CST9L: variants seen among roughly 807,000 people sequenced by gnomAD.
CST9L encodes the protein cystatin-9-like.
In CST9L, 17 loss-of-function variants were observed where a neutral mutation model predicts 13.2. That is an observed-to-expected ratio of 1.29 (90% CI 0.88 to 1.93). CST9L has a LOEUF of 1.93. Ranked by LOEUF, CST9L falls within the 30% of genes most tolerant of loss-of-function variation. The pLI is 0.00. For missense variants in CST9L, 170 were observed against 170.5 expected, an observed-to-expected ratio of 1.00 and a Z score of 0.02; for synonymous variants, 78 against 69.1, an observed-to-expected ratio of 1.13 and a Z score of -0.64.
In CST9L at chr20:23,568,474, AC is replaced by A. The variant is rs778416803; in HGVS notation, c.-25del. 2 of 1,609,588 alleles carry A rather than the reference AC, an allele frequency of 1.2e-6. No homozygotes were observed. The highest frequency in any genetic ancestry group is 2.2e-5 in the South Asian group (2 of 90,304). ...ATGGTGCTGACTGTAGGCACCGCTG[AC>A]TTTGCTCTTCCCAGCCCCCGTGCCC... On this transcript the variant is annotated 5_prime_UTR_variant, in exon 1 of 3. Coordinates refer to ENST00000376979, the MANE Select transcript of CST9L (RefSeq NM_080610.3).
At chr20:23,566,186 C>T (rs759582091) in intron 1 of CST9L, 99 bp from the exon 2 acceptor site, 76 of 779,174 alleles carry the variant, frequency 9.8e-5, no homozygotes, top group Non-Finnish European at 1.6e-4. Flanking sequence ...TCCCAACATT[C>T]TCCTCCATTA....
At chr20:23,567,099 T>C (rs1989108227) in intron 1 of CST9L, among the ~76,000 whole-genome samples, 1 of 152,150 alleles carries the variant, frequency 6.6e-6, no homozygotes, top group Non-Finnish European at 1.5e-5. Context: ...AGCCAGGGCC[T>C]TGCACAGGGT....
chr20:23,568,133 C>A (rs1600332200), intron 1 of CST9L, 78 bp downstream of exon 1: 4 of 1,502,616 alleles, frequency 2.7e-6, no homozygotes, highest in East Asian at 4.5e-5. Context: ...AATAAGACCC[C>A]CTGTCCCCAC....
At chr20:23,567,144 G>T (rs979164044) in intron 1 of CST9L, among the ~76,000 whole-genome samples, 3 of 152,082 alleles carry the variant, frequency 2.0e-5, no homozygotes, top group Non-Finnish European at 4.4e-5. Context: ...CAGGGTTGGG[G>T]TCCTTTTGCT....
intron 2 of CST9L, 27 bp from the exon 3 acceptor site, chr20:23,565,064 AG>A (rs1402378632): frequency 6.5e-7 from 1 of 1,540,542 alleles, no homozygotes; most frequent in African/African-American, 1.4e-5. Flanking sequence ...AGGAAGGGAC[AG>A]TGGGTGAGGG....
At chr20:23,565,945 C>T (rs1299955096) in intron 2 of CST9L, 29 bp downstream of exon 2, 2 of 1,209,172 alleles carry the variant, frequency 1.7e-6, no homozygotes, top group East Asian at 2.3e-5. Context: ...ACAGCTGTAT[C>T]CAGGAGGGAA....
At chr20:23,567,377 G>A (rs370148588) in intron 1 of CST9L, among the ~76,000 whole-genome samples, 2 of 151,850 alleles carry the variant, frequency 1.3e-5, no homozygotes, top group Non-Finnish European at 2.9e-5. Flanking sequence ...GGCATCTGGC[G>A]GGTGCCTGTA....
In CST9L at chr20:23,566,031, C is replaced by T. The variant is rs1165018921; in HGVS notation, c.297G>A (p.Gly99=). Residue 99 remains glycine, a synonymous_variant, in exon 2 of 3, where the codon GGG becomes GGA. Coordinates refer to ENST00000376979, the MANE Select transcript of CST9L (RefSeq NM_080610.3). The part of the protein sequence containing the change: ...MELLLGRTRC[G]KFEDDIDNCH... ...AGTTGTCAATGTCGTCTTCAAATTT[C>T]CCACACCTAGTTCTCCCCAGCAGTA... The T allele has an allele frequency of 1.2e-6, 2 of 1,612,018 alleles. No homozygotes were observed. The highest frequency in any genetic ancestry group is 1.7e-6 in the Non-Finnish European group (2 of 1,178,120).
Position 23,565,120 on chromosome 20 carries a change from C to T in CST9L, c.355-83G>A. Reference sequence around the variant, plus strand: ...CTCAAGCTCTGAACAATGGCTTCCTCTCCACATTGCCCTTTCCCAGGTCAA... The same window carrying T: ...CTCAAGCTCTGAACAATGGCTTCCTTTCCACATTGCCCTTTCCCAGGTCAA... On this transcript the variant is annotated intron_variant, in intron 2 of 2. Transcript: ENST00000376979. The T allele has an allele frequency of 3.2e-6, 3 of 951,978 alleles. No homozygotes were observed. The South Asian group carries it at 3.9e-5, about 12-fold the overall frequency. The allele number at this position is 951,978 out of a possible 1,614,324, so 59.0% of individuals were successfully genotyped here.
chr20:23,565,913 C>T (rs1448471940), intron 2 of CST9L, 61 bp downstream of exon 2: 14 of 931,970 alleles, frequency 1.5e-5, no homozygotes, highest in Non-Finnish European at 2.5e-5. Flanking sequence ...CCTGTGCCCA[C>T]ACCACACCCC....
At position 23,568,389 on chromosome 20, in the gene CST9L, G is replaced by A; in HGVS notation, c.62C>T (p.Ser21Phe). The change falls in exon 1 of 3, where the codon TCC becomes TTC. Residue 21 changes from serine to phenylalanine, a missense_variant. Transcript: ENST00000376979. ...SWALLLLLLGSQILLIYAWHF... is the reference protein window; with the variant it reads ...SWALLLLLLGFQILLIYAWHF... ...CCAGGCATAGATCAGCAGGATCTGGGAGCCTAAGAGAAGCAGCAGCAGCGC... is the reference window on the plus strand; with the variant it reads ...CCAGGCATAGATCAGCAGGATCTGGAAGCCTAAGAGAAGCAGCAGCAGCGC... 6.2e-7 allele frequency: 1 copy of A among 1,614,188 alleles called. No individual in the cohort carries two copies. Among genetic ancestry groups the A allele is most frequent in the Non-Finnish European group, 8.5e-7 (1 of 1,180,026 alleles).
rs575561554 is a variant in CST9L at position 23,564,989 on chromosome 20, A to T, written c.403T>A (p.Phe135Ile). ...AAGCAGGTCTTGTTCAGGAGGCTGA[A>T]CTGAGTCATCCAGGGCCTGGTGCTG... ...TISTRPWMTQ[F>I]SLLNKTCLEG... The change falls in exon 3 of 3, where the codon TTC becomes ATC. Residue 135 changes from phenylalanine to isoleucine, a missense_variant. Transcript: ENST00000376979. The T allele has an allele frequency of 3.7e-5, 59 of 1,614,100 alleles. No individual in the cohort carries two copies. The Middle Eastern group carries it at 1.5e-3, about 41-fold the overall frequency.
At position 23,568,201 on chromosome 20, in the gene CST9L, G is replaced by A; in HGVS notation, c.240+10C>T. The A allele has an allele frequency of 6.2e-7, 1 of 1,613,992 alleles. No individual in the cohort carries two copies. The highest frequency in any genetic ancestry group is 8.5e-7 in the Non-Finnish European group (1 of 1,179,974). ...CAGATGCCAGGGCAGGAGGGTACGT[G>A]GTCACCAACCTGCTCCTTCCAGGAA... On this transcript the variant is annotated intron_variant, in intron 1 of 2. Coordinates refer to ENST00000376979, the MANE Select transcript of CST9L (RefSeq NM_080610.3).
At chr20:23,565,833 A>G (rs1600331015) in intron 2 of CST9L, 141 bp downstream of exon 2, 2 of 691,692 alleles carry the variant, frequency 2.9e-6, no homozygotes, top group East Asian at 2.6e-5. Flanking sequence ...GCTCCCCACT[A>G]AGGCACAAGC....
At position 23,566,082 on chromosome 20, in the gene CST9L, C is replaced by T. The variant is rs751842420; in HGVS notation, c.246G>A (p.Glu82=). 1 of 1,565,210 alleles carries T rather than the reference C, an allele frequency of 6.4e-7. No homozygotes were observed. Among genetic ancestry groups the T allele is most frequent in the South Asian group, 1.1e-5 (1 of 90,128 alleles). The part of the protein sequence containing the change: ...HILNSWKEQV[E]SKTVFSMELL... ...GCTCCATTGAGAATACAGTCTTGGA[C>T]TCCACCTATTGCACACAGAGAGATT... is the stretch of plus-strand genomic sequence containing the variant. The change falls in exon 2 of 3, where the codon GAG becomes GAA. Residue 82 remains glutamate, a synonymous_variant. Transcript: ENST00000376979.
chr20:23,565,816 C>A (rs1989084737), intron 2 of CST9L, among the ~76,000 whole-genome samples, 158 bp downstream of exon 2: 1 of 152,160 alleles, frequency 6.6e-6, no homozygotes, highest in South Asian at 2.1e-4. Flanking sequence ...GCTGCCTGCC[C>A]CTCTGCGCTC....
At chr20:23,565,491 C>A (rs755900802) in intron 2 of CST9L, among the ~76,000 whole-genome samples, 3 of 152,176 alleles carry the variant, frequency 2.0e-5, no homozygotes, top group Non-Finnish European at 4.4e-5. Context: ...GCAGGTGCTG[C>A]AGCTCAGCTC....
intron 2 of CST9L, among the ~76,000 whole-genome samples, chr20:23,565,486 T>G (rs1989079477): frequency 6.6e-6 from 1 of 152,118 alleles, no homozygotes; most frequent in African/African-American, 2.4e-5. Context: ...CTAGAGCAGG[T>G]GCTGCAGCTC....
chr20:23,566,966 A>G (rs568956678), intron 1 of CST9L, among the ~76,000 whole-genome samples: 1 of 152,266 alleles, frequency 6.6e-6, no homozygotes, highest in South Asian at 2.1e-4. Flanking sequence ...TTTCAGTTTC[A>G]CTTCATTCCA....
Sources: allele counts gnomAD v4.1 joint callset (sites outside exome capture counted in the v4.1 genomes callset), GRCh38; gene constraint gnomAD v4.1.1; transcripts MANE v1.5; gene names NCBI Gene and HGNC (gene_info 2026-07-23, HGNC 2026-07-21).